TUBGCP5: variants seen among roughly 807,000 people sequenced by gnomAD.
The protein encoded by TUBGCP5 is tubulin gamma complex component 5.
A neutral mutation model predicts 134.7 loss-of-function variants in TUBGCP5; 98 were observed. That is an observed-to-expected ratio of 0.73 (90% CI 0.62 to 0.86). The LOEUF is 0.86. TUBGCP5 is among the 40% of genes least tolerant of loss of function. The probability of loss-of-function intolerance (pLI) is 0.00; values close to 1 mark genes in which losing one functional copy is unlikely to be tolerated. For synonymous variants in TUBGCP5, 456 were observed against 431.4 expected (o/e 1.06, Z -0.71); for missense variants, 1,150 against 1,244.8 (o/e 0.92, Z 1.15).
chr15:22,998,584 A>G (rs535347986), downstream of TUBGCP5, among the ~76,000 whole-genome samples: 53 of 151,958 alleles, frequency 3.5e-4, no homozygotes, highest in African/African-American at 1.1e-3. Flanking sequence ...TCAGCCTCCC[A>G]AGTAGCTGGG....
intron 14 of TUBGCP5, 23 bp downstream of exon 14, chr15:23,011,110 A>T: frequency 6.2e-7 from 1 of 1,610,322 alleles, no homozygotes; most frequent in Non-Finnish European, 8.5e-7. Flanking sequence ...TCAATTACTG[A>T]TAACCTTGCA....
chr15:23,037,882 A>T (rs548542573), intron 1 of TUBGCP5, among the ~76,000 whole-genome samples: 24 of 152,266 alleles, frequency 1.6e-4, no homozygotes, highest in African/African-American at 5.8e-4. Flanking sequence ...CTCCTGCCTC[A>T]GCCTCCCAAG....
chr15:23,035,337 A>AAAAAAG (rs546299990), intron 3 of TUBGCP5, among the ~76,000 whole-genome samples: 2 of 151,678 alleles, frequency 1.3e-5, no homozygotes, highest in East Asian at 1.9e-4. Context: ...CTTAAAAAAA[A>AAAAAAG]AAAAGAAAAA....
chr15:22,993,557 T>TTTTTTA lies in TUBGCP5; in HGVS notation c.*61+3287_*61+3288insTAAAAA, dbSNP rs2063932615. Among the ~76,000 whole-genome samples, 15 of 123,336 alleles carry TTTTTTA rather than the reference T, an allele frequency of 1.2e-4. 1 individual carries two copies. Among genetic ancestry groups the TTTTTTA allele is most frequent in the African/African-American group, 4.3e-4 (12 of 27,810 alleles). 80.9% of individuals were successfully genotyped at this position (123,336 alleles called of 152,430 possible). Reference sequence around the variant, plus strand: ...TTTTTTTTTTTTTTTTTTTTTTTTTTAATATGAGACGGAGTCTCGCTCTGT... The same window carrying TTTTTTA: ...TTTTTTTTTTTTTTTTTTTTTTTTTTTTTTTAAATATGAGACGGAGTCTCGCTCTGT... On this transcript the variant is annotated intron_variant and NMD_transcript_variant, in intron 23 of 23. Coordinates refer to the TUBGCP5 transcript ENST00000614508.
chr15:22,998,346 T>A (rs1183930836), downstream of TUBGCP5, among the ~76,000 whole-genome samples: 1 of 151,996 alleles, frequency 6.6e-6, no homozygotes, highest in Non-Finnish European at 1.5e-5. Flanking sequence ...AACAATAGTA[T>A]GTACCAACAG....
intron 3 of TUBGCP5, among the ~76,000 whole-genome samples, chr15:23,033,513 A>G (rs190042016): frequency 5.3e-4 from 81 of 152,248 alleles, no homozygotes; most frequent in African/African-American, 1.8e-3. Context: ...TCCTGACCTC[A>G]TGATCCGCCC....
At chr15:23,021,230 T>C (rs2065669301) in intron 11 of TUBGCP5, among the ~76,000 whole-genome samples, 1 of 152,150 alleles carries the variant, frequency 6.6e-6, no homozygotes, top group Non-Finnish European at 1.5e-5. Flanking sequence ...CTCAGACTCA[T>C]ATGTAGCTGG....
intron 23 of TUBGCP5, among the ~76,000 whole-genome samples, chr15:22,990,873 G>A (rs2063824825): frequency 6.6e-6 from 1 of 152,150 alleles, no homozygotes; most frequent in Non-Finnish European, 1.5e-5. Context: ...ACAGAGGCAG[G>A]GATGGGAGTG....
Position 23,039,444 on chromosome 15 carries a change from C to T in TUBGCP5, c.100G>A (p.Asp34Asn). The part of the protein sequence containing the change: ...RGVAGLQDEA[D>N]PNFQLALNFA... ...TTTAGGGCGAGCTGGAAGTTGGGGTCTGCCTCGTCCTGGAGGCCGGCGACA... is the reference window on the plus strand; with the variant it reads ...TTTAGGGCGAGCTGGAAGTTGGGGTTTGCCTCGTCCTGGAGGCCGGCGACA... The change falls in exon 1 of 23, where the codon GAC becomes AAC. Residue 34 changes from aspartate to asparagine, a missense_variant. By Grantham distance (23) the Asp-to-Asn change is conservative. Transcript: ENST00000615383. The T allele has an allele frequency of 1.9e-6, 3 of 1,543,486 alleles. No homozygotes were observed. The highest frequency in any genetic ancestry group is 2.6e-6 in the Non-Finnish European group (3 of 1,141,526).
chr15:23,021,464 G>C (rs1007404507), intron 11 of TUBGCP5, among the ~76,000 whole-genome samples: 2 of 152,110 alleles, frequency 1.3e-5, no homozygotes, highest in Non-Finnish European at 2.9e-5. Context: ...TTACAGGCAC[G>C]AGCCACTGTG....
chr15:22,990,897 G>A (rs1595782765), intron 23 of TUBGCP5, among the ~76,000 whole-genome samples: 1 of 152,154 alleles, frequency 6.6e-6, no homozygotes, highest in Non-Finnish European at 1.5e-5. Flanking sequence ...CAGCCACACA[G>A]CCACAGTCAT....
chr15:23,021,677 CAT>C, intron 11 of TUBGCP5, among the ~76,000 whole-genome samples: 1 of 152,296 alleles, frequency 6.6e-6, no homozygotes, highest in East Asian at 1.9e-4. Context: ...ATGTTAGTTA[CAT>C]GTTAGTGTTT....
Position 23,019,224 on chromosome 15 carries a change from G to A in TUBGCP5, c.1482C>T (p.Ile494=). 1 of 1,612,562 alleles carries A rather than the reference G, an allele frequency of 6.2e-7. No homozygotes were observed. Among genetic ancestry groups the A allele is most frequent in the Non-Finnish European group, 8.5e-7 (1 of 1,178,918 alleles). Residue 494 remains isoleucine (I), a synonymous_variant, in exon 12 of 23, where the codon ATC becomes ATT. Transcript: ENST00000615383. ...HLWDGAREFI[I]QRNKNVPVNH... is the part of the protein sequence containing the mutation. The stretch of plus-strand genomic sequence containing the variant: ...TGTGCTCTGCTGCAGCTCACCTCTG[G>A]ATGATGAACTCCCTGGCGCCATCCC...
Position 23,013,071 on chromosome 15 carries a change from C to G in TUBGCP5, c.1757-1740G>C, listed in dbSNP as rs1241571540. 6.6e-6 allele frequency among the ~76,000 whole-genome samples: 1 copy of G among 152,118 alleles called. No homozygotes were observed. The highest frequency in any genetic ancestry group is 1.5e-5 in the Non-Finnish European group (1 of 68,032). On this transcript the variant is annotated intron_variant, in intron 13 of 22. Coordinates refer to ENST00000615383, the MANE Select transcript of TUBGCP5 (RefSeq NM_052903.6). This position sits in a 1 kb window ranked among gnomAD's most constrained non-coding sequence, Gnocchi z 4.5. ...TGAGCCGAGATCATGCCACTGCACT[C>G]CAGTCGCCAGCAAGGTGGCTGCCTG...
At chr15:22,990,625 G>A (rs532278789) in intron 23 of TUBGCP5, among the ~76,000 whole-genome samples, 63 of 152,228 alleles carry the variant, frequency 4.1e-4, no homozygotes, top group African/African-American at 8.9e-4. Flanking sequence ...GATCTTGGGC[G>A]CTCAGCTTCC....
intron 23 of TUBGCP5, among the ~76,000 whole-genome samples, chr15:22,987,365 C>T (rs2063710510): frequency 6.6e-6 from 1 of 151,198 alleles, no homozygotes; most frequent in African/African-American, 2.4e-5. Context: ...AAGAAAGTTA[C>T]TGTCCTGTTT....
intron 3 of TUBGCP5, among the ~76,000 whole-genome samples, chr15:23,033,995 C>G (rs1263731142): frequency 1.3e-5 from 2 of 152,158 alleles, no homozygotes; most frequent in African/African-American, 2.4e-5. Flanking sequence ...AAGCCTTCAG[C>G]ATCCCCCAAA....
chr15:23,010,280 C>CT, intron 14 of TUBGCP5, 147 bp from the exon 15 acceptor site: 1 of 948,282 alleles, frequency 1.1e-6, no homozygotes, highest in Non-Finnish European at 1.6e-6. Flanking sequence ...CAAAAATATC[C>CT]TTTGAGTGAA....
chr15:22,995,958 CTG>C (rs2064056721), downstream of TUBGCP5, among the ~76,000 whole-genome samples: 1 of 152,188 alleles, frequency 6.6e-6, no homozygotes, highest in African/African-American at 2.4e-5. Flanking sequence ...TGTGGATGAG[CTG>C]TGTTTTCACA....
Sources: allele counts gnomAD v4.1 joint callset (sites outside exome capture counted in the v4.1 genomes callset), GRCh38; gene constraint gnomAD v4.1.1; non-coding constraint Gnocchi (gnomAD v3.1); transcripts MANE v1.5; gene names NCBI Gene and HGNC (gene_info 2026-07-23, HGNC 2026-07-21).